Variants in MARCHF1 observed in about 807,000 individuals in gnomAD.
MARCHF1 encodes the protein E3 ubiquitin-protein ligase MARCHF1.
In MARCHF1, 40 loss-of-function variants were observed where a neutral mutation model predicts 54.2. That is an observed-to-expected ratio of 0.74 (90% CI 0.57 to 0.96). MARCHF1 has a LOEUF of 0.96. Ranked by LOEUF, MARCHF1 falls within the 40% of genes least tolerant of loss-of-function variation. The pLI is 0.00. For missense variants in MARCHF1, 586 were observed against 656.5 expected (o/e 0.89, Z 1.17); for synonymous variants, 236 against 236.3 (o/e 1.00, Z 0.01).
intron 2 of MARCHF1, among the ~76,000 whole-genome samples, chr4:164,021,553 C>T (rs1023803217): frequency 6.6e-6 from 1 of 151,286 alleles, no homozygotes; most frequent in African/African-American, 2.4e-5. Context: ...TATTATATCC[C>T]AAAACTCTTT....
intron 2 of MARCHF1, among the ~76,000 whole-genome samples, chr4:164,001,825 G>A (rs1302806428): frequency 6.6e-6 from 1 of 151,804 alleles, no homozygotes; most frequent in African/African-American, 2.4e-5. Context: ...CTGTCCCCTT[G>A]AGTCTTTGGT....
chr4:163,858,852 T>C (rs769028636), intron 3 of MARCHF1, among the ~76,000 whole-genome samples: 4 of 152,216 alleles, frequency 2.6e-5, no homozygotes, highest in African/African-American at 9.6e-5. Flanking sequence ...GGGGTTCCAA[T>C]GACCGCTAAG....
At chr4:163,869,100 T>C (rs1422742147) in intron 3 of MARCHF1, among the ~76,000 whole-genome samples, 1 of 151,442 alleles carries the variant, frequency 6.6e-6, no homozygotes, top group African/African-American at 2.4e-5. Flanking sequence ...CTAGACATGC[T>C]CTCCCCCAAA....
chr4:163,967,257 T>G (rs1752460375), intron 3 of MARCHF1, among the ~76,000 whole-genome samples: 1 of 152,126 alleles, frequency 6.6e-6, no homozygotes, highest in East Asian at 1.9e-4. Context: ...TTTCACTAAT[T>G]TAACTTGTTG....
At chr4:163,640,409 C>A (rs1299306784) in intron 5 of MARCHF1, among the ~76,000 whole-genome samples, 1 of 151,964 alleles carries the variant, frequency 6.6e-6, no homozygotes, top group Non-Finnish European at 1.5e-5. Flanking sequence ...AAGATTCTAT[C>A]AAAAATGTGA....
chr4:163,964,617 C>T (rs985533319), intron 3 of MARCHF1, among the ~76,000 whole-genome samples: 1 of 152,000 alleles, frequency 6.6e-6, no homozygotes, highest in African/African-American at 2.4e-5. Flanking sequence ...GGTCAAAAAT[C>T]TTGTAAATCA....
At chr4:163,988,733 T>C (rs1405565364) in intron 2 of MARCHF1, 24 bp from the exon 3 acceptor site, 3 of 152,158 alleles carry the variant, frequency 2.0e-5, no homozygotes, top group Non-Finnish European at 4.4e-5. Context: ...GGAAAAATAG[T>C]GTTTGAGACA....
At chr4:164,170,537 C>T (rs566584386) in intron 1 of MARCHF1, among the ~76,000 whole-genome samples, 135 of 152,060 alleles carry the variant, frequency 8.9e-4, no homozygotes, top group Non-Finnish European at 1.5e-3. Flanking sequence ...TATGTGACAA[C>T]GCCAGGCACT....
chr4:164,111,809 T>C (rs1158425425), intron 1 of MARCHF1, 147 bp from the exon 2 acceptor site: 1 of 151,778 alleles, frequency 6.6e-6, no homozygotes, highest in Non-Finnish European at 1.5e-5. Context: ...TGTTCTTAAT[T>C]TCATTTCTGC....
chr4:164,348,985 G>A (rs1156575866), intron 1 of MARCHF1, among the ~76,000 whole-genome samples: 1 of 152,104 alleles, frequency 6.6e-6, no homozygotes, highest in Admixed American at 6.5e-5. Context: ...GGTAAGCAAT[G>A]CTTTATTATA....
chr4:164,281,575 C>T (rs1296115487), intron 1 of MARCHF1, among the ~76,000 whole-genome samples: 1 of 152,122 alleles, frequency 6.6e-6, no homozygotes, highest in African/African-American at 2.4e-5. Flanking sequence ...AACATGTGTA[C>T]AGACCAGAGG....
At chr4:163,806,791 A>G (rs561871204) in intron 4 of MARCHF1, among the ~76,000 whole-genome samples, 1 of 152,174 alleles carries the variant, frequency 6.6e-6, no homozygotes, top group Non-Finnish European at 1.5e-5. Context: ...TGGATCAATA[A>G]ACCTGCCCAC....
chr4:164,078,987 A>G (rs763494412), intron 2 of MARCHF1, among the ~76,000 whole-genome samples: 3 of 152,224 alleles, frequency 2.0e-5, no homozygotes, highest in Admixed American at 6.5e-5. Context: ...AAAACTCTTA[A>G]CAATCACGGA....
At chr4:164,250,815 G>T (rs1733102525) in intron 1 of MARCHF1, among the ~76,000 whole-genome samples, 1 of 151,988 alleles carries the variant, frequency 6.6e-6, no homozygotes, top group Non-Finnish European at 1.5e-5. Flanking sequence ...ATGGAAAATG[G>T]AAATCAAGAA....
intron 2 of MARCHF1, among the ~76,000 whole-genome samples, chr4:164,053,263 C>G (rs965750709): frequency 6.6e-6 from 1 of 151,952 alleles, no homozygotes; most frequent in Admixed American, 6.6e-5. Context: ...TACCAATGAC[C>G]ATTTCTCACG....
At chr4:163,876,201 A>G (rs1271685094) in intron 3 of MARCHF1, among the ~76,000 whole-genome samples, 1 of 152,136 alleles carries the variant, frequency 6.6e-6, no homozygotes, top group Non-Finnish European at 1.5e-5. Context: ...TAGCCAGCTC[A>G]ACTATATCCA....
At chr4:163,727,895 C>T (rs1259801883) in intron 4 of MARCHF1, among the ~76,000 whole-genome samples, 3 of 151,762 alleles carry the variant, frequency 2.0e-5, no homozygotes, top group Admixed American at 6.6e-5. Context: ...CCATGTTATC[C>T]AGGCTGGTCT....
At chr4:164,240,727 AACTG>A (rs1187465301) in intron 1 of MARCHF1, among the ~76,000 whole-genome samples, 2 of 152,144 alleles carry the variant, frequency 1.3e-5, no homozygotes, top group Non-Finnish European at 2.9e-5. Context: ...GCATGGGACA[AACTG>A]ACTATGGGAA....
chr4:163,632,417 G>A (rs1456942412), intron 5 of MARCHF1, among the ~76,000 whole-genome samples: 1 of 152,180 alleles, frequency 6.6e-6, no homozygotes, highest in African/African-American at 2.4e-5. Context: ...AGCAGGGCGA[G>A]GCATTGCCTC....
Sources: gnomAD v4.1 joint callset for allele counts (sites outside exome capture counted in the v4.1 genomes callset) on GRCh38, gnomAD v4.1.1 for gene constraint, MANE v1.5 for transcripts, NCBI Gene and HGNC (gene_info 2026-07-23, HGNC 2026-07-21) for gene names.